The following ASZ1 variants were observed in gnomAD, a reference collection of about 807,000 sequenced individuals.
The protein encoded by ASZ1 is ankyrin repeat, SAM and basic leucine zipper domain-containing protein 1.
A neutral mutation model predicts 61.8 loss-of-function variants in ASZ1; 67 were observed. That is an observed-to-expected ratio of 1.08 (90% CI 0.89 to 1.33). The LOEUF is 1.33. ASZ1 is among the 40% of genes most tolerant of loss of function. ASZ1 has a pLI of 0.00. For missense variants in ASZ1, 577 were observed against 554.5 expected (o/e 1.04, Z -0.41); for synonymous variants, 193 against 192.7 (o/e 1.00, Z -0.01).
At chr7:117,392,972 G>A (rs964763064) in intron 4 of ASZ1, among the ~76,000 whole-genome samples, 31 of 150,504 alleles carry the variant, frequency 2.1e-4, no homozygotes, top group Non-Finnish European at 1.8e-4. Flanking sequence ...TCAGCTTCCT[G>A]AGTAGCTGGA....
intron 4 of ASZ1, among the ~76,000 whole-genome samples, chr7:117,390,908 T>C (rs1165160751): frequency 6.6e-6 from 1 of 152,146 alleles, no homozygotes; most frequent in Non-Finnish European, 1.5e-5. Flanking sequence ...TTCACCATCA[T>C]GGCCAGGCTG....
chr7:117,364,385 C>G (rs936520532), intron 12 of ASZ1, among the ~76,000 whole-genome samples: 1 of 149,382 alleles, frequency 6.7e-6, no homozygotes, highest in Non-Finnish European at 1.5e-5. Context: ...CTGTGTGTAT[C>G]TGTGTGTGTG....
chr7:117,422,528 T>A (rs1303612664), intron 2 of ASZ1, among the ~76,000 whole-genome samples, 169 bp from the exon 3 acceptor site: 1 of 152,262 alleles, frequency 6.6e-6, no homozygotes, highest in African/African-American at 2.4e-5. Context: ...ATTGGGACAT[T>A]AACACAATTT....
rs1353742659 is a variant in ASZ1 at position 117,383,062 on chromosome 7, G to T, written c.736C>A (p.Gln246Lys). ...ATAGTGTCTTCTTTAGTTAGCTGTT[G>T]AAGTTTTCCTTCCAATGGATTTAAA... is the stretch of plus-strand genomic sequence containing the variant. ...FTLNPLEGKL[Q>K]QLTKEDTICK... Residue 246 changes from glutamine (Q) to lysine (K), a missense_variant, in exon 7 of 13, where the codon CAA becomes AAA. Physicochemically the swap from Gln to Lys is moderately conservative, Grantham distance 53. Transcript: ENST00000284629. 6.3e-7 allele frequency: 1 copy of T among 1,583,512 alleles called. No individual in the cohort carries two copies. Among genetic ancestry groups the T allele is most frequent in the Admixed American group, 1.8e-5 (1 of 54,464 alleles).
At position 117,382,912 on chromosome 7, in the gene ASZ1, C is replaced by G. The variant is rs1796280660; in HGVS notation, c.812+74G>C. On this transcript the variant is annotated intron_variant, in intron 7 of 12. Coordinates refer to ENST00000284629, the MANE Select transcript of ASZ1 (RefSeq NM_130768.3). The stretch of plus-strand genomic sequence containing the variant: ...AATATCATATATTTTAAATAAGTCA[C>G]CACATTTACTACAATAAAATATACA... 3.7e-6 allele frequency: 5 copies of G among 1,344,532 alleles called. No individual in the cohort carries two copies. The East Asian group carries it at 1.5e-4, about 39-fold the overall frequency. The allele number at this position is 1,344,532 out of a possible 1,614,324, so 83.3% of individuals were successfully genotyped here.
chr7:117,383,955 T>C (rs1456726043), intron 6 of ASZ1, among the ~76,000 whole-genome samples: 1 of 152,076 alleles, frequency 6.6e-6, no homozygotes, highest in East Asian at 1.9e-4. Context: ...GTTTATCAGA[T>C]TGCTTAAAAG....
chr7:117,396,994 A>G (rs1252507210), intron 4 of ASZ1, among the ~76,000 whole-genome samples: 1 of 151,872 alleles, frequency 6.6e-6, no homozygotes, highest in Non-Finnish European at 1.5e-5. Context: ...CAAACTAGAA[A>G]TAGCATCTAC....
chr7:117,390,179 G>GT (rs35059050), intron 4 of ASZ1, among the ~76,000 whole-genome samples: 72,797 of 148,396 alleles, frequency 0.49, 19,457 homozygotes, highest in African/African-American at 0.73. Context: ...AACAGTGGGG[G>GT]TTTTTTTTTT....
At chr7:117,401,754 T>C (rs1796685981) in intron 4 of ASZ1, among the ~76,000 whole-genome samples, 2 of 152,200 alleles carry the variant, frequency 1.3e-5, no homozygotes, top group South Asian at 4.1e-4. Context: ...CTGTACAGCC[T>C]GCATTCCAAG....
chr7:117,412,046 G>A (rs12333344), intron 4 of ASZ1, among the ~76,000 whole-genome samples: 19,042 of 91,516 alleles, frequency 0.21, 1,223 homozygotes, highest in African/African-American at 0.25. Context: ...AGAAGTGTGT[G>A]TGTGTGTGTG....
chr7:117,426,748 AG>A, intron 2 of ASZ1, 87 bp downstream of exon 2: 1 of 1,152,824 alleles, frequency 8.7e-7, no homozygotes, highest in Non-Finnish European at 1.2e-6. Context: ...CGTTTCCATT[AG>A]AAAAGCAACA....
intron 10 of ASZ1, among the ~76,000 whole-genome samples, chr7:117,379,168 T>TACACACACACACAC (rs58457982): frequency 4.3e-4 from 30 of 69,706 alleles, no homozygotes; most frequent in African/African-American, 1.5e-3. Context: ...TATATATATA[T>TACACACACACACAC]ACACACACAC....
At chr7:117,404,759 A>G (rs1364504727) in intron 4 of ASZ1, among the ~76,000 whole-genome samples, 1 of 152,104 alleles carries the variant, frequency 6.6e-6, no homozygotes, top group Admixed American at 6.5e-5. Flanking sequence ...TCATTTGGCC[A>G]GGCCCCCTTG....
chr7:117,399,713 G>A (rs1262836381), intron 4 of ASZ1, among the ~76,000 whole-genome samples: 3 of 151,832 alleles, frequency 2.0e-5, no homozygotes, highest in African/African-American at 7.3e-5. Context: ...GGTTTGGGTG[G>A]GAATCAATGA....
intron 4 of ASZ1, among the ~76,000 whole-genome samples, chr7:117,392,308 T>G (rs1258948288): frequency 6.6e-6 from 1 of 152,206 alleles, no homozygotes; most frequent in African/African-American, 2.4e-5. Context: ...TGTAGAGATC[T>G]TTTACCTTCT....
intron 12 of ASZ1, 52 bp downstream of exon 12, chr7:117,367,300 C>A: frequency 7.7e-7 from 1 of 1,305,562 alleles, no homozygotes; most frequent in Non-Finnish European, 1.0e-6. Flanking sequence ...ACACCTTTTG[C>A]TGTAAATCAT....
rs747692830 is a variant in ASZ1 at position 117,426,865 on chromosome 7, A to G, written c.176T>C (p.Val59Ala). 14 of 1,613,094 alleles carry G rather than the reference A, an allele frequency of 8.7e-6. No individual in the cohort carries two copies. The Middle Eastern group carries it at 6.6e-4, about 76-fold the overall frequency. ...ATCTAGGAGCTCCTGGACCAATGAA[A>G]CATCTCCGATGGTCATTGCTTTCTT... ...KFKKAMTIGD[V>A]SLVQELLDSG... Residue 59 changes from valine (V) to alanine (A), a missense_variant, in exon 2 of 13, where the codon GTT becomes GCT. By Grantham distance (64) the Val-to-Ala change is moderately conservative. Transcript: ENST00000284629.
intron 3 of ASZ1, 67 bp downstream of exon 3, chr7:117,422,170 T>G: frequency 5.2e-6 from 8 of 1,543,572 alleles, no homozygotes; most frequent in Non-Finnish European, 5.3e-6. Context: ...GCACTTTATA[T>G]AATAGCTACT....
intron 2 of ASZ1, 72 bp from the exon 3 acceptor site, chr7:117,422,431 A>G: frequency 6.6e-7 from 1 of 1,513,764 alleles, no homozygotes; most frequent in Non-Finnish European, 8.9e-7. Flanking sequence ...TTATATGCTT[A>G]AAGTACTGTG....
Sources: allele counts gnomAD v4.1 joint callset (sites outside exome capture counted in the v4.1 genomes callset), GRCh38; gene constraint gnomAD v4.1.1; transcripts MANE v1.5; gene names NCBI Gene and HGNC (gene_info 2026-07-23, HGNC 2026-07-21).